Variants in HEATR5A observed in about 807,000 individuals in gnomAD.
HEATR5A encodes HEAT repeat containing 5A.
Under a neutral mutation model 218.8 loss-of-function variants are expected in HEATR5A, and 178 were observed. That is an observed-to-expected ratio of 0.81 (90% CI 0.72 to 0.92). The LOEUF is 0.92. Ranked by LOEUF, HEATR5A falls within the 40% of genes least tolerant of loss-of-function variation. HEATR5A has a pLI of 0.00. For missense variants in HEATR5A, 2,420 were observed against 2,418.9 expected (o/e 1.00, Z -0.01); for synonymous variants, 864 against 871.6 (o/e 0.99, Z 0.15).
At chr14:31,405,312 C>T (rs956209774) in intron 1 of HEATR5A, among the ~76,000 whole-genome samples, 14 of 151,966 alleles carry the variant, frequency 9.2e-5, no homozygotes, top group African/African-American at 3.4e-4. Context: ...TGTGCACCTG[C>T]GGTCCCAGCT....
At chr14:31,387,991 C>T (rs1485206903) in intron 7 of HEATR5A, among the ~76,000 whole-genome samples, 4 of 152,154 alleles carry the variant, frequency 2.6e-5, no homozygotes, top group Non-Finnish European at 5.9e-5. Context: ...CTGTGAACAA[C>T]GGCTCCGAGA....
intron 11 of HEATR5A, among the ~76,000 whole-genome samples, chr14:31,377,956 A>G (rs1595154200): frequency 6.6e-6 from 1 of 152,236 alleles, no homozygotes; most frequent in Non-Finnish European, 1.5e-5. Flanking sequence ...TACAGGAGAA[A>G]GGACTTCTTG....
intron 20 of HEATR5A, among the ~76,000 whole-genome samples, chr14:31,344,478 C>T (rs989354460): frequency 1.6e-4 from 19 of 119,318 alleles, no homozygotes; most frequent in Non-Finnish European, 1.8e-5. Flanking sequence ...CGGGGTTTCA[C>T]CATGTTGGCC....
intron 9 of HEATR5A, among the ~76,000 whole-genome samples, chr14:31,385,241 T>A (rs1038143314): frequency 1.3e-5 from 2 of 152,166 alleles, no homozygotes; most frequent in African/African-American, 4.8e-5. Flanking sequence ...TGCTCCTGGC[T>A]CAGCCTCCCA....
chr14:31,315,745 C>T, intron 27 of HEATR5A, 25 bp downstream of exon 27: 1 of 1,517,420 alleles, frequency 6.6e-7, no homozygotes, highest in Non-Finnish European at 8.9e-7. Context: ...TCCAAAATTC[C>T]AGTTACAAAT....
intron 1 of HEATR5A, among the ~76,000 whole-genome samples, chr14:31,406,092 C>A (rs2031050129): frequency 6.6e-6 from 1 of 152,180 alleles, no homozygotes. Context: ...CAGATGGCTG[C>A]TGCTCTTATC....
rs1391499699 is a variant in HEATR5A at position 31,323,732 on chromosome 14, A to G, written c.3620T>C (p.Leu1207Pro). Residue 1207 changes from leucine to proline, a missense_variant, in exon 24 of 36, where the codon CTG becomes CCG. Leu to Pro is a moderately conservative substitution (Grantham distance 98). Coordinates refer to ENST00000543095, the MANE Select transcript of HEATR5A (RefSeq NM_015473.4). ...EGDKGDDASV[L>P]TTRRDEKSHP... ...GGATTTTTCATCACGTCTGGTGGTC[A>G]GGACTGAGGCATCATCCCCTTTATC... The G allele has an allele frequency of 1.2e-6, 2 of 1,613,034 alleles. No individual in the cohort carries two copies. Among genetic ancestry groups the G allele is most frequent in the African/African-American group, 1.3e-5 (1 of 75,012 alleles).
intron 11 of HEATR5A, among the ~76,000 whole-genome samples, chr14:31,376,332 A>G (rs1198754379): frequency 6.6e-6 from 1 of 152,114 alleles, no homozygotes; most frequent in Non-Finnish European, 1.5e-5. Context: ...CCAGGTCAAC[A>G]CACCGAAATC....
intron 13 of HEATR5A, among the ~76,000 whole-genome samples, chr14:31,370,274 C>A (rs1281998377): frequency 2.0e-5 from 3 of 149,376 alleles, no homozygotes; most frequent in African/African-American, 7.4e-5. Context: ...AAAAAGACAA[C>A]CTAAAAGAAA....
intron 3 of HEATR5A, among the ~76,000 whole-genome samples, chr14:31,399,306 T>C (rs1291118692): frequency 6.6e-6 from 1 of 152,240 alleles, no homozygotes; most frequent in African/African-American, 2.4e-5. Context: ...TGTATCAATC[T>C]GTGATTACTC....
intron 14 of HEATR5A, among the ~76,000 whole-genome samples, chr14:31,362,627 A>AAG (rs1731151684): frequency 6.7e-6 from 1 of 149,470 alleles, no homozygotes; most frequent in Non-Finnish European, 1.5e-5. Context: ...AAAAAAAAAA[A>AAG]AAAACTAGCT....
intron 6 of HEATR5A, 54 bp downstream of exon 6, chr14:31,393,998 T>C: frequency 8.3e-7 from 1 of 1,201,510 alleles, no homozygotes; most frequent in East Asian, 2.6e-5. Flanking sequence ...TTTGTTTATA[T>C]CAACTGGGGA....
intron 1 of HEATR5A, among the ~76,000 whole-genome samples, chr14:31,418,954 T>C (rs1206825031): frequency 6.6e-6 from 1 of 152,170 alleles, no homozygotes; most frequent in East Asian, 1.9e-4. Flanking sequence ...CTGTAGATAA[T>C]ATATTCATTA....
intron 1 of HEATR5A, among the ~76,000 whole-genome samples, chr14:31,407,715 A>G (rs953996234): frequency 6.6e-6 from 1 of 151,410 alleles, no homozygotes; most frequent in Admixed American, 6.6e-5. Context: ...TGCAACCTCC[A>G]CCTCCCAGGT....
chr14:31,397,963 A>T (rs560742903), intron 4 of HEATR5A, among the ~76,000 whole-genome samples: 55 of 152,288 alleles, frequency 3.6e-4, no homozygotes, highest in African/African-American at 1.3e-3. Context: ...TTTTATATTT[A>T]AAGGTGCTAA....
intron 32 of HEATR5A, among the ~76,000 whole-genome samples, chr14:31,303,106 G>A (rs1202621983): frequency 6.7e-6 from 1 of 149,566 alleles, no homozygotes; most frequent in East Asian, 2.0e-4. Flanking sequence ...GTGAGACCCT[G>A]TCTAAAAAAA....
chr14:31,388,193 A>G (rs1566778744), intron 7 of HEATR5A, among the ~76,000 whole-genome samples: 1 of 152,230 alleles, frequency 6.6e-6, no homozygotes, highest in Non-Finnish European at 1.5e-5. Context: ...TTTAATTACA[A>G]TTATACTGGG....
rs936803176 is a variant in HEATR5A, at chr14:31,311,341, T to C, written c.4441+1627A>G. 2.0e-5 allele frequency among the ~76,000 whole-genome samples: 3 copies of C among 152,180 alleles called. 1 individual carries two copies. On this transcript the variant is annotated intron_variant, in intron 28 of 35. Transcript: ENST00000543095. ...AAACTGTAAAGCTTGTATGTCTTTA[T>C]GATCTTAAGTTTAAAAATGTATGCG...
chr14:31,387,993 G>A (rs887621721), intron 7 of HEATR5A, among the ~76,000 whole-genome samples: 1 of 152,042 alleles, frequency 6.6e-6, no homozygotes. Context: ...GTGAACAACG[G>A]CTCCGAGAGA....
Sources: gnomAD v4.1 joint callset for allele counts (sites outside exome capture counted in the v4.1 genomes callset) on GRCh38, gnomAD v4.1.1 for gene constraint, MANE v1.5 for transcripts, NCBI Gene and HGNC (gene_info 2026-07-23, HGNC 2026-07-21) for gene names.